Variants in ABCA6 observed in about 807,000 individuals in gnomAD.
ABCA6 encodes the protein ATP binding cassette subfamily A member 6, also known as ATP-binding cassette sub-family A member 6.
ABCA6 carries 164 observed loss-of-function variants against 191.2 expected under a neutral mutation model. The ratio of observed to expected loss-of-function variants is 0.86; its 90% confidence interval spans 0.76 to 0.98. The LOEUF is 0.98. Among genes scored for constraint, ABCA6 ranks in the 50% least tolerant of loss-of-function variants. ABCA6 has a pLI of 0.00. For missense variants in ABCA6, 1,958 were observed against 1,894.1 expected, an observed-to-expected ratio of 1.03 and a Z score of -0.63; for synonymous variants, 636 against 647.7, an observed-to-expected ratio of 0.98 and a Z score of 0.27.
intron 4 of ABCA6, chr17:69,135,870 A>C: frequency 1.9e-6 from 1 of 517,510 alleles, no homozygotes; most frequent in Non-Finnish European, 3.4e-6. Flanking sequence ...CCTTTGACAC[A>C]TGCATCTGCA....
chr17:69,135,741 C>T (rs1304042760), intron 4 of ABCA6: 3 of 383,372 alleles, frequency 7.8e-6, no homozygotes, highest in Non-Finnish European at 1.4e-5. Flanking sequence ...AACCCCTGGT[C>T]TAAGTGCCCA....
At chr17:69,125,881 A>G (rs990914660) in intron 8 of ABCA6, among the ~76,000 whole-genome samples, 1 of 152,190 alleles carries the variant, frequency 6.6e-6, no homozygotes, top group African/African-American at 2.4e-5. Context: ...AAAATGTAAT[A>G]TCTATTCATA....
In ABCA6 at chr17:69,102,840, G is replaced by C; in HGVS notation, c.2869C>G (p.Gln957Glu). 1 of 1,576,466 alleles carries C rather than the reference G, an allele frequency of 6.3e-7. No homozygotes were observed. Among genetic ancestry groups the C allele is most frequent in the Non-Finnish European group, 8.6e-7 (1 of 1,168,686 alleles). ...AAGCAAAAAGGCAAACATACCTTTTGTTTACCAGAAACTATGATAGCTCCA... is the reference window on the plus strand; with the variant it reads ...AAGCAAAAAGGCAAACATACCTTTTCTTTACCAGAAACTATGATAGCTCCA... ...YNGAIIVSGK[Q>E]KDYRFSVVCN... Residue 957 changes from glutamine (Q) to glutamate (E), a missense_variant, in exon 21 of 39, where the codon CAA (glutamine) becomes GAA (glutamate). Coordinates refer to ENST00000284425, the MANE Select transcript of ABCA6 (RefSeq NM_080284.3).
chr17:69,079,098 G>C, intron 38 of ABCA6, 24 bp from the exon 39 acceptor site: 1 of 1,579,696 alleles, frequency 6.3e-7, no homozygotes, highest in Non-Finnish European at 8.7e-7. Context: ...AAAGAAGAAG[G>C]AAAGAAGGAA....
intron 17 of ABCA6, chr17:69,108,303 T>G (rs1048276159): frequency 6.5e-6 from 1 of 154,560 alleles, no homozygotes; most frequent in African/African-American, 2.4e-5. Context: ...GCTCCCTCAC[T>G]CATTGCCCTC....
At chr17:69,096,160 G>A (rs1438720901) in intron 25 of ABCA6, 80 bp downstream of exon 25, 2 of 616,360 alleles carry the variant, frequency 3.2e-6, no homozygotes, top group Non-Finnish European at 4.9e-6. Context: ...ACTGTCTTAA[G>A]GCAGACATCT....
At chr17:69,080,999 C>T (rs1210303254) in intron 37 of ABCA6, 67 bp downstream of exon 37, 3 of 1,001,870 alleles carry the variant, frequency 3.0e-6, no homozygotes, top group Admixed American at 2.4e-5. Context: ...CAATTAGCTT[C>T]CATTAAATTA....
intron 4 of ABCA6, chr17:69,135,541 G>A (rs2144720600): frequency 6.5e-6 from 1 of 154,818 alleles, no homozygotes; most frequent in Admixed American, 6.5e-5. Context: ...TCCTTTTCAT[G>A]TTCCTTGTTC....
chr17:69,099,968 T>C (rs192346315), intron 22 of ABCA6, among the ~76,000 whole-genome samples: 193 of 152,304 alleles, frequency 1.3e-3, no homozygotes, highest in African/African-American at 4.5e-3. Flanking sequence ...CTTCTTGATG[T>C]TTCAGACTTC....
chr17:69,112,609 C>A, intron 15 of ABCA6: 1 of 239,828 alleles, frequency 4.2e-6, no homozygotes, highest in Non-Finnish European at 8.2e-6. Flanking sequence ...AAAATGGGTA[C>A]ACATGGACAT....
At chr17:69,095,986 A>G (rs1331591874) in intron 25 of ABCA6, among the ~76,000 whole-genome samples, 1 of 152,242 alleles carries the variant, frequency 6.6e-6, no homozygotes, top group Non-Finnish European at 1.5e-5. Context: ...TTCTGGAGAC[A>G]TAAACTCAAC....
intron 17 of ABCA6, chr17:69,110,539 G>A (rs1011457427): frequency 4.3e-5 from 15 of 346,510 alleles, no homozygotes; most frequent in African/African-American, 2.6e-4. Context: ...CACCTCAATT[G>A]CCTACCACAG....
At position 69,084,486 on chromosome 17, in the gene ABCA6, C is replaced by T. The variant is rs2072726788; in HGVS notation, c.4206G>A (p.Leu1402=). ...GCACAGGAACATTCAGCTGCTCATG[C>T]AGTTTGAAAGCACTCACTAATCTGA... ...AIARLVSAFK[L]HEQLNVPVQK... The change falls in exon 33 of 39, where the codon CTG becomes CTA. Residue 1402 remains leucine, a synonymous_variant. Coordinates refer to ENST00000284425, the MANE Select transcript of ABCA6 (RefSeq NM_080284.3). 9 of 1,614,110 alleles carry T rather than the reference C, an allele frequency of 5.6e-6. No homozygotes were observed. Among genetic ancestry groups the T allele is most frequent in the Non-Finnish European group, 7.6e-6 (9 of 1,180,022 alleles).
Position 69,081,160 on chromosome 17 carries a change from A to ATGT in ABCA6, c.4617-18_4617-16dup. Reference sequence around the variant, plus strand: ...AAGAGGAATACCTGAAAACAGGAAGATGTCGTTTTCAGCTCTGAGTTTCAA... The same window carrying ATGT: ...AAGAGGAATACCTGAAAACAGGAAGATGTTGTCGTTTTCAGCTCTGAGTTTCAA... On this transcript the variant is annotated splice_polypyrimidine_tract_variant and intron_variant, in intron 36 of 38. Transcript: ENST00000284425. The ATGT allele has an allele frequency of 6.6e-7, 1 of 1,515,390 alleles. No homozygotes were observed. The highest frequency in any genetic ancestry group is 2.3e-5 in the East Asian group (1 of 43,726). The allele number at this position is 1,515,390 out of a possible 1,614,324, so 93.9% of individuals were successfully genotyped here. A position where few individuals can be genotyped will look rare whatever the true frequency, so the allele number is the denominator to read the frequency against.
At chr17:69,113,045 C>A in intron 15 of ABCA6, 177 bp downstream of exon 15, 1 of 595,452 alleles carries the variant, frequency 1.7e-6, no homozygotes, top group Non-Finnish European at 2.5e-6. Context: ...CACTACCTAG[C>A]AAATGTACAA....
Position 69,133,675 on chromosome 17 carries a change from T to C in ABCA6, c.757A>G (p.Met253Val), listed in dbSNP as rs769462186. 6.2e-7 allele frequency: 1 copy of C among 1,604,786 alleles called. No homozygotes were observed. The highest frequency in any genetic ancestry group is 1.1e-5 in the South Asian group (1 of 90,052). ...TKERKKSKNLMKMMGLQDSAF... is the reference protein window; with the variant it reads ...TKERKKSKNLVKMMGLQDSAF... The stretch of plus-strand genomic sequence containing the variant: ...GAATCTTGGAGACCCATCATTTTCA[T>C]CAAATTCTTAGACTTTTTTCTCTCT... Residue 253 changes from methionine to valine, a missense_variant, in exon 6 of 39, where the codon ATG (methionine) becomes GTG (valine). Transcript: ENST00000284425.
Position 69,087,462 on chromosome 17 carries a change from T to C in ABCA6, c.3710A>G (p.Gln1237Arg), listed in dbSNP as rs200065915. ...RKDPVFRISP[Q>R]SRDAKPNPEE... is the part of the protein sequence containing the mutation. ...TGGATTTGGCTTAGCATCTCTACTTTGGGGGGAAATTCTATGGAGAAAATG... is the reference window on the plus strand; with the variant it reads ...TGGATTTGGCTTAGCATCTCTACTTCGGGGGGAAATTCTATGGAGAAAATG... Residue 1237 changes from glutamine to arginine, a missense_variant, in exon 29 of 39, where the codon CAA becomes CGA. Transcript: ENST00000284425. 28 of 1,613,790 alleles carry C rather than the reference T, an allele frequency of 1.7e-5. No individual in the cohort carries two copies. The East Asian group carries it at 4.7e-4, about 27-fold the overall frequency.
At chr17:69,132,554 C>T (rs755044839) in intron 6 of ABCA6, among the ~76,000 whole-genome samples, 98 of 152,178 alleles carry the variant, frequency 6.4e-4, no homozygotes, top group Non-Finnish European at 1.0e-3. Flanking sequence ...GATCTCAGTT[C>T]GCTGCAGCCT....
In ABCA6 at chr17:69,112,196, C is replaced by A; in HGVS notation, c.2119G>T (p.Gly707Ter). ...CAAAGTCTTTACCTTAGGTGATATC[C>A]AAGACCCCACCTTCTTTTCAAAAAC... ...SMFLKRRWGL[G>*]YHLSLHRNEI... Residue 707 changes from glycine (G) to a stop codon, truncating the protein, a stop_gained, in exon 16 of 39, where the codon GGA becomes TGA. Transcript: ENST00000284425. LOFTEE classifies it high-confidence loss of function. 6.2e-7 allele frequency: 1 copy of A among 1,610,992 alleles called. No individual in the cohort carries two copies. Among genetic ancestry groups the A allele is most frequent in the South Asian group, 1.1e-5 (1 of 90,972 alleles).
Sources: allele counts gnomAD v4.1 joint callset (sites outside exome capture counted in the v4.1 genomes callset), GRCh38; gene constraint gnomAD v4.1.1; transcripts MANE v1.5; gene names NCBI Gene and HGNC (gene_info 2026-07-23, HGNC 2026-07-21).